The following FSIP2 variants were observed in gnomAD, a reference collection of about 807,000 sequenced individuals.
The protein encoded by FSIP2 is fibrous sheath interacting protein 2.
Under a neutral mutation model 510.5 loss-of-function variants are expected in FSIP2, and 367 were observed. The ratio of observed to expected loss-of-function variants is 0.72; its 90% CI spans 0.66 to 0.78. The LOEUF is 0.78. Ranked by LOEUF, FSIP2 falls within the 30% of genes least tolerant of loss-of-function variation. The pLI, the probability that FSIP2 is intolerant of heterozygous loss-of-function variation, is 0.00. For missense variants in FSIP2, 7,594 were observed against 7,901.7 expected (o/e 0.96, Z 1.48); for synonymous variants, 2,601 against 2,732.2 (o/e 0.95, Z 1.50).
chr2:185,794,223 A>T lies in FSIP2; in HGVS notation c.7087A>T (p.Ile2363Phe). ...DVIASAILKL[I>F]KNDLDLEIQK... ...CATTGCCAGTGCCATTTTGAAGCTT[A>T]TTAAAAATGACTTAGACTTAGAAAT... The change falls in exon 16 of 23, where the codon ATT becomes TTT. Residue 2363 changes from isoleucine to phenylalanine, a missense_variant. Ile to Phe is a conservative substitution (Grantham distance 21). Transcript: ENST00000424728. The T allele has an allele frequency of 6.5e-7, 1 of 1,534,406 alleles. No individual in the cohort carries two copies. The highest frequency in any genetic ancestry group is 8.7e-7 in the Non-Finnish European group (1 of 1,145,664).
chr2:185,776,192 C>T (rs1193948547), intron 13 of FSIP2, among the ~76,000 whole-genome samples: 4 of 152,092 alleles, frequency 2.6e-5, no homozygotes, highest in African/African-American at 2.4e-5. Context: ...AATGACTTGA[C>T]CTGGGAGGCA....
Position 185,791,379 on chromosome 2 carries a change from C to T in FSIP2, c.4243C>T (p.His1415Tyr), listed in dbSNP as rs1422536736. The change falls in exon 16 of 23, where the codon CAC (histidine) becomes TAC (tyrosine). Residue 1415 changes from histidine to tyrosine, a missense_variant. By Grantham distance (83) the His-to-Tyr change is moderately conservative (BLOSUM62 2). Transcript: ENST00000424728. The stretch of plus-strand genomic sequence containing the variant: ...CAAATATTTGGCTACTCCTTGTACT[C>T]ACCACAGTGTCAATGGTGGAAACCA... ...FHKYLATPCT[H>Y]HSVNGGNHIK... 2 of 1,534,008 alleles carry T rather than the reference C, an allele frequency of 1.3e-6. No individual in the cohort carries two copies. Among genetic ancestry groups the T allele is most frequent in the East Asian group, 2.4e-5 (1 of 40,864 alleles).
rs2105636059 is a variant in FSIP2 at position 185,800,033 on chromosome 2, C to G, written c.10727C>G (p.Ala3576Gly). The change falls in exon 17 of 23, where the codon GCT becomes GGT. Residue 3576 changes from alanine (A) to glycine (G), a missense_variant. Transcript: ENST00000424728. ...KILFNNKIIQ[A>G]DIAQKMVAIP... ...CTTTTTAATAATAAAATTATACAGGCTGACATTGCACAGAAAATGGTTGCC... is the reference window on the plus strand; with the variant it reads ...CTTTTTAATAATAAAATTATACAGGGTGACATTGCACAGAAAATGGTTGCC... 1.3e-6 allele frequency: 2 copies of G among 1,525,414 alleles called. No individual in the cohort carries two copies. The highest frequency in any genetic ancestry group is 1.8e-6 in the Non-Finnish European group (2 of 1,139,170). 94.5% of individuals were successfully genotyped at this position (1,525,414 alleles called of 1,614,324 possible).
chr2:185,770,645 A>T (rs551444260), intron 13 of FSIP2, among the ~76,000 whole-genome samples: 150 of 152,296 alleles, frequency 9.8e-4, no homozygotes, highest in African/African-American at 3.5e-3. Context: ...TCAACATGAA[A>T]TATTGAGGAG....
intron 17 of FSIP2, among the ~76,000 whole-genome samples, chr2:185,812,538 A>G (rs1421362906): frequency 6.6e-6 from 1 of 152,068 alleles, no homozygotes; most frequent in East Asian, 1.9e-4. Flanking sequence ...CACAGCAGTG[A>G]AGAGAAAGAA....
chr2:185,769,798 T>C (rs1692570561), intron 13 of FSIP2, among the ~76,000 whole-genome samples: 1 of 152,170 alleles, frequency 6.6e-6, no homozygotes, highest in Admixed American at 6.6e-5. Context: ...GATTTCTGTA[T>C]AGGAGGGGCC....
intron 17 of FSIP2, among the ~76,000 whole-genome samples, chr2:185,810,883 C>A (rs563715968): frequency 6.6e-6 from 1 of 152,056 alleles, no homozygotes; most frequent in South Asian, 2.1e-4. Context: ...CTGATGAGGT[C>A]TCAGATGGAA....
In FSIP2 at chr2:185,806,942, C is replaced by G; in HGVS notation, c.17636C>G (p.Pro5879Arg). The change falls in exon 17 of 23, where the codon CCA becomes CGA. Residue 5879 changes from proline (P) to arginine (R), a missense_variant. Transcript: ENST00000424728. ...RYKEPTTDEA[P>R]SSIKIKSADK... The stretch of plus-strand genomic sequence containing the variant: ...AAAGAGCCAACTACAGATGAAGCAC[C>G]ATCCAGCATTAAGATAAAATCTGCA... The G allele has an allele frequency of 1.9e-6, 3 of 1,611,392 alleles. No individual in the cohort carries two copies. Among genetic ancestry groups the G allele is most frequent in the Non-Finnish European group, 2.5e-6 (3 of 1,178,700 alleles).
At chr2:185,778,327 A>G (rs545443669) in intron 13 of FSIP2, among the ~76,000 whole-genome samples, 2 of 152,116 alleles carry the variant, frequency 1.3e-5, no homozygotes, top group South Asian at 4.1e-4. Context: ...AATACATATG[A>G]TGATTGTTAT....
At chr2:185,823,832 C>T (rs977522142) in intron 19 of FSIP2, among the ~76,000 whole-genome samples, 1 of 151,610 alleles carries the variant, frequency 6.6e-6, no homozygotes, top group South Asian at 2.1e-4. Context: ...TCCCAATGTC[C>T]ATCGATAGAT....
chr2:185,784,112 T>C (rs985412384), intron 14 of FSIP2: 2 of 152,164 alleles, frequency 1.3e-5, no homozygotes, highest in East Asian at 1.9e-4. Context: ...TTCTCACTTA[T>C]TGCTTAGTCT....
At chr2:185,738,586 T>C, upstream of FSIP2, 1 of 1,534,480 alleles carries the variant, frequency 6.5e-7, no homozygotes, top group Non-Finnish European at 8.7e-7. Context: ...AGCTTATACG[T>C]TTTCGTTAGG....
Position 185,793,102 on chromosome 2 carries a change from C to T in FSIP2, c.5966C>T (p.Thr1989Ile). The T allele has an allele frequency of 2.0e-6, 3 of 1,534,306 alleles. No homozygotes were observed. The highest frequency in any genetic ancestry group is 2.6e-6 in the Non-Finnish European group (3 of 1,145,680). Residue 1989 changes from threonine to isoleucine, a missense_variant, in exon 16 of 23, where the codon ACC (threonine) becomes ATC (isoleucine). Thr to Ile is a moderately conservative substitution (Grantham distance 89, BLOSUM62 -1). Transcript: ENST00000424728. Reference protein sequence around the residue: ...CSVDHTKSGKTNLCQLSLSKL... With the variant: ...CSVDHTKSGKINLCQLSLSKL... ...GTAGATCATACCAAGTCAGGAAAGA[C>T]CAACTTGTGCCAACTGTCTTTGTCT...
chr2:185,781,487 A>T (rs1454464428), intron 13 of FSIP2, among the ~76,000 whole-genome samples: 1 of 152,160 alleles, frequency 6.6e-6, no homozygotes, highest in Non-Finnish European at 1.5e-5. Context: ...AAGCATCTGT[A>T]TATTTTTAGG....
At chr2:185,751,461 C>CTATGTGTG (rs368632994) in intron 7 of FSIP2, among the ~76,000 whole-genome samples, 1 of 135,782 alleles carries the variant, frequency 7.4e-6, no homozygotes, top group African/African-American at 2.7e-5. Context: ...CTTTATTTTT[C>CTATGTGTG]TGTGTGTGTG....
intron 20 of FSIP2, among the ~76,000 whole-genome samples, chr2:185,827,360 CTTA>C (rs1432366316): frequency 2.0e-5 from 3 of 151,600 alleles, no homozygotes; most frequent in Non-Finnish European, 4.4e-5. Context: ...ATAGTTTTTT[CTTA>C]TATGATATCT....
intron 13 of FSIP2, among the ~76,000 whole-genome samples, chr2:185,780,091 T>G (rs1692813163): frequency 6.6e-6 from 1 of 151,784 alleles, no homozygotes; most frequent in Non-Finnish European, 1.5e-5. Flanking sequence ...AAAAAATTGT[T>G]TTGTTTAATT....
At chr2:185,777,997 AAAC>A in intron 13 of FSIP2, among the ~76,000 whole-genome samples, 1 of 152,216 alleles carries the variant, frequency 6.6e-6, no homozygotes, top group East Asian at 1.9e-4. Flanking sequence ...TAGTGAGAAA[AAAC>A]TAAATTATGA....
At chr2:185,820,984 T>A (rs1574207303) in intron 19 of FSIP2, among the ~76,000 whole-genome samples, 5 of 40,326 alleles carry the variant, frequency 1.2e-4, no homozygotes, top group Non-Finnish European at 2.1e-4. Flanking sequence ...GTAGAGAAAA[T>A]CAAGAAAACC....
Sources: gnomAD v4.1 joint callset for allele counts (sites outside exome capture counted in the v4.1 genomes callset) on GRCh38, gnomAD v4.1.1 for gene constraint, MANE v1.5 for transcripts, NCBI Gene and HGNC (gene_info 2026-07-23, HGNC 2026-07-21) for gene names.